The following RIN1 variants were observed in gnomAD, a reference collection of about 807,000 sequenced individuals.
The protein encoded by RIN1 is Ras and Rab interactor 1.
Under a neutral mutation model 64.9 loss-of-function variants are expected in RIN1, and 52 were observed. That is an observed-to-expected ratio of 0.80 (90% CI 0.64 to 1.01). The LOEUF (loss-of-function observed/expected upper bound fraction) is 1.01. Ranked by LOEUF, RIN1 falls within the 50% of genes least tolerant of loss-of-function variation. The probability of loss-of-function intolerance (pLI) is 0.00; values close to 1 mark genes in which losing one functional copy is unlikely to be tolerated. For missense variants in RIN1, 1,040 were observed against 1,064.5 expected (o/e 0.98, Z 0.32); for synonymous variants, 486 against 483.6 (o/e 1.00, Z -0.06).
chr11:66,331,937 G>A lies in RIN1; in HGVS notation c.*339C>T, dbSNP rs1313249580. On this transcript the variant is annotated 3_prime_UTR_variant, in exon 10 of 10. Transcript: ENST00000311320. The stretch of plus-strand genomic sequence containing the variant: ...CATGCCCATGAGGGGAAGGGTAAAA[G>A]GAGCTGAGACCGTCACCCTCCCCAC... 2.5e-5 allele frequency: 9 copies of A among 360,780 alleles called. No homozygotes were observed. The highest frequency in any genetic ancestry group is 4.1e-5 in the Non-Finnish European group (8 of 194,502). The allele number at this position is 360,780 out of a possible 1,614,324, so 22.3% of individuals were successfully genotyped here.
rs1565202744 is a variant in RIN1, at chr11:66,335,981, C to CG, written c.263dup (p.Thr90AspfsTer8). The CG allele has an allele frequency of 2.7e-6, 4 of 1,476,206 alleles. No homozygotes were observed. The highest frequency in any genetic ancestry group is 2.7e-6 in the Non-Finnish European group (3 of 1,112,804). The allele number at this position is 1,476,206 out of a possible 1,614,324, so 91.4% of individuals were successfully genotyped here. On this transcript the variant is annotated frameshift_variant, in exon 2 of 10. Transcript: ENST00000311320. LOFTEE classifies it high-confidence loss of function. ...TGGAGTGTGGGGCAAGACTCACCCC[C>CG]GGGGGCTCGGTCCTCAGCATGTGCA...
Position 66,332,248 on chromosome 11 carries a change from C to T in RIN1, c.*28G>A, listed in dbSNP as rs759943653. 6.2e-6 allele frequency: 10 copies of T among 1,601,418 alleles called. No homozygotes were observed. Among genetic ancestry groups the T allele is most frequent in the Non-Finnish European group, 7.7e-6 (9 of 1,169,666 alleles). The stretch of plus-strand genomic sequence containing the variant: ...TCTCAGCAGGCTCAGGGTCTCCCGC[C>T]CCGAATGACCCTTCTGGCCACTTCA... On this transcript the variant is annotated 3_prime_UTR_variant, in exon 10 of 10. Transcript: ENST00000311320.
chr11:66,335,704 G>C, intron 3 of RIN1, 22 bp from the exon 4 acceptor site: 1 of 1,612,638 alleles, frequency 6.2e-7, no homozygotes, highest in Non-Finnish European at 8.5e-7. Context: ...GGGAAGTGAG[G>C]TGCTTCTCTG....
intron 7 of RIN1, 25 bp from the exon 8 acceptor site, chr11:66,333,683 A>T: frequency 6.2e-7 from 1 of 1,601,896 alleles, no homozygotes; most frequent in Non-Finnish European, 8.5e-7. Flanking sequence ...TGAGAGGAAG[A>T]AGCTTCAGGT....
rs1854853635 is a variant in RIN1, at chr11:66,335,237, A to AG, written c.561dup (p.Ser188LeufsTer117). Reference sequence around the variant, plus strand: ...CCCCGCTGAGCCTTGATGTTGAGGGAGGAGCTCCAGAACTCTAGGGAACAA... The same window carrying AG: ...CCCCGCTGAGCCTTGATGTTGAGGGAGGGAGCTCCAGAACTCTAGGGAACAA... On this transcript the variant is annotated frameshift_variant, in exon 6 of 10. Transcript: ENST00000311320. LOFTEE classifies it high-confidence loss of function. 1 of 1,575,422 alleles carries AG rather than the reference A, an allele frequency of 6.3e-7. No individual in the cohort carries two copies.
upstream of RIN1, chr11:66,336,437 A>G: frequency 2.5e-6 from 4 of 1,587,628 alleles, no homozygotes; most frequent in South Asian, 1.1e-5. Flanking sequence ...AAGAGAATCC[A>G]GTCCCAAGGC....
At position 66,333,937 on chromosome 11, in the gene RIN1, C is replaced by A; in HGVS notation, c.1573G>T (p.Ala525Ser). The A allele has an allele frequency of 1.3e-6, 2 of 1,543,758 alleles. No individual in the cohort carries two copies. Among genetic ancestry groups the A allele is most frequent in the East Asian group, 2.4e-5 (1 of 41,724 alleles). Residue 525 changes from alanine (A) to serine (S), a missense_variant, in exon 7 of 10, where the codon GCC (alanine) becomes TCC (serine). By Grantham distance (99) the Ala-to-Ser change is moderately conservative (BLOSUM62 1). Transcript: ENST00000311320. ...LLQACKLLYM[A>S]LRTQEGEGAG... ...GACATACCTTCCTGGGTCCTCAGGGCCATGTAGAGCAGCTTGCAGGCCTGC... is the reference window on the plus strand; with the variant it reads ...GACATACCTTCCTGGGTCCTCAGGGACATGTAGAGCAGCTTGCAGGCCTGC...
At position 66,333,607 on chromosome 11, in the gene RIN1, G is replaced by C; in HGVS notation, c.1643C>G (p.Ala548Gly). The change falls in exon 8 of 10, where the codon GCC becomes GGC. Residue 548 changes from alanine to glycine, a missense_variant. Coordinates refer to ENST00000311320, the MANE Select transcript of RIN1 (RefSeq NM_004292.3). ...EFLPLLSLVL[A>G]HCDLPELLLE... Reference sequence around the variant, plus strand: ...CAGCAGCTCAGGAAGGTCACAGTGGGCCAAGACGAGGCTCAGCAGAGGCAG... The same window carrying C: ...CAGCAGCTCAGGAAGGTCACAGTGGCCCAAGACGAGGCTCAGCAGAGGCAG... The C allele has an allele frequency of 6.2e-7, 1 of 1,612,918 alleles. No individual in the cohort carries two copies. The highest frequency in any genetic ancestry group is 8.5e-7 in the Non-Finnish European group (1 of 1,179,714).
In RIN1 at chr11:66,335,597, C is replaced by A. The variant is rs370189786; in HGVS notation, c.455+13G>T. ...GGGCCCGTGGACACCAGGCACCCTG[C>A]GGGCAGACTCACCGGGTGTGGCAGT... is the stretch of plus-strand genomic sequence containing the variant. On this transcript the variant is annotated intron_variant, in intron 4 of 9. Transcript: ENST00000311320. 3 of 1,613,210 alleles carry A rather than the reference C, an allele frequency of 1.9e-6. No homozygotes were observed. The African/African-American group carries it at 4.0e-5, about 22-fold the overall frequency.
chr11:66,332,323 G>A lies in RIN1; in HGVS notation c.2305C>T (p.Gln769Ter), dbSNP rs760256288. ...GQGQAQEGPAQPGEPEAEGSR... is the reference protein window; with the variant it reads ...GQGQAQEGPA ...CCCTCTGCCTCTGGTTCCCCTGGCTGAGCAGGGCCTTCCTGGGCTTGACCC... is the reference window on the plus strand; with the variant it reads ...CCCTCTGCCTCTGGTTCCCCTGGCTAAGCAGGGCCTTCCTGGGCTTGACCC... The change falls in exon 10 of 10, where the codon CAG (glutamine) becomes TAG (stop). Residue 769 changes from glutamine (Q) to a stop codon, truncating the protein, a stop_gained. Transcript: ENST00000311320. LOFTEE classifies it high-confidence loss of function. The A allele has an allele frequency of 3.7e-6, 6 of 1,614,186 alleles. No homozygotes were observed. Among genetic ancestry groups the A allele is most frequent in the Non-Finnish European group, 5.1e-6 (6 of 1,180,038 alleles).
In RIN1 at chr11:66,334,560, C is replaced by A; in HGVS notation, c.1239G>T (p.Leu413=). Residue 413 remains leucine, a synonymous_variant, in exon 6 of 10, where the codon CTG becomes CTT. Coordinates refer to ENST00000311320, the MANE Select transcript of RIN1 (RefSeq NM_004292.3). ...GCTTCTCAGGGCCCAGCTCCGCACT[C>A]AGCATGGCCCGGGCCCGGCTCAGCG... ...RQALSRARAM[L]SAELGPEKLL... 1 of 1,589,588 alleles carries A rather than the reference C, an allele frequency of 6.3e-7. No homozygotes were observed. Among genetic ancestry groups the A allele is most frequent in the Non-Finnish European group, 8.5e-7 (1 of 1,169,704 alleles).
Position 66,336,368 on chromosome 11 carries a change from G to A in RIN1, c.35C>T (p.Pro12Leu). The change falls in exon 1 of 10, where the codon CCT (proline) becomes CTT (leucine). Residue 12 changes from proline to leucine, a missense_variant. Physicochemically the swap from Pro to Leu is moderately conservative, Grantham distance 98. Transcript: ENST00000311320. Reference sequence around the variant, plus strand: ...GAAGCTGGACGGGCTGGGGGCTCCAGGAGAGCCCGCGCCTGACTCTCCAGG... The same window carrying A: ...GAAGCTGGACGGGCTGGGGGCTCCAAGAGAGCCCGCGCCTGACTCTCCAGG... ...ESPGESGAGSPGAPSPSSFTT... is the reference protein window; with the variant it reads ...ESPGESGAGSLGAPSPSSFTT... 1 of 1,613,666 alleles carries A rather than the reference G, an allele frequency of 6.2e-7. No homozygotes were observed. The highest frequency in any genetic ancestry group is 8.5e-7 in the Non-Finnish European group (1 of 1,179,862).
chr11:66,332,293 G>T lies in RIN1; in HGVS notation c.2335C>A (p.Arg779=). Residue 779 remains arginine (R), a synonymous_variant, in exon 10 of 10, where the codon CGG becomes AGG. Transcript: ENST00000311320. The stretch of plus-strand genomic sequence containing the variant: ...ACTTCAAGCTACTCCTCTGCTGCCC[G>T]GCTTCCCTCTGCCTCTGGTTCCCCT... ...QPGEPEAEGS[R]AAEE The T allele has an allele frequency of 1.2e-6, 2 of 1,614,012 alleles. No homozygotes were observed. Among genetic ancestry groups the T allele is most frequent in the African/African-American group, 2.7e-5 (2 of 75,040 alleles).
Position 66,332,008 on chromosome 11 carries a change from C to G in RIN1, c.*268G>C, listed in dbSNP as rs1854742678. On this transcript the variant is annotated 3_prime_UTR_variant, in exon 10 of 10. Transcript: ENST00000311320. ...CGGATTCGCCCCCACTTGGCACACC[C>G]TCATTGCAGGCTGGCTCACCCTCAG... 3.7e-6 allele frequency: 2 copies of G among 536,738 alleles called. No individual in the cohort carries two copies. Among genetic ancestry groups the G allele is most frequent in the Non-Finnish European group, 6.7e-6 (2 of 300,414 alleles). The allele number at this position is 536,738 out of a possible 1,614,324, so 33.2% of individuals were successfully genotyped here.
In RIN1 at chr11:66,334,145, C is replaced by CCGG; in HGVS notation, c.1362_1364dup (p.Arg455dup). On this transcript the variant is annotated inframe_insertion, in exon 7 of 10. Coordinates refer to ENST00000311320, the MANE Select transcript of RIN1 (RefSeq NM_004292.3). Reference sequence around the variant, plus strand: ...GGCCCAGGGAGCCGTCTGCGGCAAGCCGGCGCCGCAGGCGGGCTGCCAGGA... The same window carrying CCGG: ...GGCCCAGGGAGCCGTCTGCGGCAAGCCGGCGGCGCCGCAGGCGGGCTGCCAGGA... The CCGG allele has an allele frequency of 6.5e-7, 1 of 1,540,450 alleles. No homozygotes were observed. Among genetic ancestry groups the CCGG allele is most frequent in the Non-Finnish European group, 8.7e-7 (1 of 1,146,460 alleles).
In RIN1 at chr11:66,335,189, G is replaced by A. The variant is rs778210651; in HGVS notation, c.610C>T (p.Pro204Ser). The change falls in exon 6 of 10, where the codon CCC becomes TCC. Residue 204 changes from proline (P) to serine (S), a missense_variant. Coordinates refer to ENST00000311320, the MANE Select transcript of RIN1 (RefSeq NM_004292.3). ...TGAGGGGACCGGGCCTTCAGCTGGGGCAACACTGGGCCTCCAGCCGGGCCC... is the reference window on the plus strand; with the variant it reads ...TGAGGGGACCGGGCCTTCAGCTGGGACAACACTGGGCCTCCAGCCGGGCCC... ...QRGPAGGPVL[P>S]QLKARSPQEL... The A allele has an allele frequency of 1.9e-6, 3 of 1,561,636 alleles. No homozygotes were observed. Among genetic ancestry groups the A allele is most frequent in the Non-Finnish European group, 2.6e-6 (3 of 1,164,530 alleles).
chr11:66,335,795 C>A lies in RIN1; in HGVS notation c.349G>T (p.Val117Phe). 6.2e-7 allele frequency: 1 copy of A among 1,610,708 alleles called. No individual in the cohort carries two copies. The highest frequency in any genetic ancestry group is 8.5e-7 in the Non-Finnish European group (1 of 1,177,762). Residue 117 changes from valine to phenylalanine, a missense_variant, in exon 3 of 10, where the codon GTC becomes TTC. Val to Phe is a conservative substitution (Grantham distance 50, BLOSUM62 -1). Coordinates refer to ENST00000311320, the MANE Select transcript of RIN1 (RefSeq NM_004292.3). ...RLPEASGPSF[V>F]SSHYILESPG... ...CTCTCCAGGATGTAGTGGCTGGAGA[C>A]GAAGGAGGGGCCACTGGCTTCAGGC... is the stretch of plus-strand genomic sequence containing the variant.
chr11:66,333,140 G>A, intron 9 of RIN1, 118 bp downstream of exon 9: 1 of 1,270,390 alleles, frequency 7.9e-7, no homozygotes, highest in Non-Finnish European at 1.1e-6. Context: ...CAACCCAGTG[G>A]CAGAGCCAGG....
In RIN1 at chr11:66,335,874, C is replaced by T. The variant is rs150903047; in HGVS notation, c.270G>A (p.Thr90=). 426 of 1,566,152 alleles carry T rather than the reference C, an allele frequency of 2.7e-4. No individual in the cohort carries two copies. Among genetic ancestry groups the T allele is most frequent in the Middle Eastern group, 3.4e-4 (2 of 5,822 alleles). The part of the protein sequence containing the change: ...LHMLRTEPPG[T]FLVRKSNTRQ... ...GGGTGTTAGATTTCCGCACGAGGAA[C>T]GTCTGCAAGTGGATAGGGCTCAGGC... Residue 90 remains threonine (T), a splice_region_variant and synonymous_variant, in exon 3 of 10, where the codon ACG becomes ACA. Transcript: ENST00000311320.
Sources: allele counts gnomAD v4.1 joint callset, GRCh38; gene constraint gnomAD v4.1.1; transcripts MANE v1.5; gene names NCBI Gene and HGNC (gene_info 2026-07-23, HGNC 2026-07-21).